Variants in VAMP7 observed in about 807,000 individuals in gnomAD.
VAMP7 encodes vesicle associated membrane protein 7, also known as vesicle-associated membrane protein 7.
A neutral mutation model predicts 29.6 loss-of-function variants in VAMP7; 14 were observed. The observed-to-expected ratio is 0.47, with a 90% CI of 0.31 to 0.74. The LOEUF is 0.74. Ranked by LOEUF, VAMP7 falls within the 30% of genes least tolerant of loss-of-function variation. The pLI is 0.05. For missense variants in VAMP7, 223 were observed against 262.4 expected (o/e 0.85, Z 1.04); for synonymous variants, 95 against 88.1 (o/e 1.08, Z -0.44).
At chrX:155,927,859 TCTTA>T (rs2066493698) in intron 6 of VAMP7, among the ~76,000 whole-genome samples, 1 of 151,934 alleles carries the variant, frequency 6.6e-6, no homozygotes, top group Non-Finnish European at 1.5e-5. Context: ...TTTCTCTTAG[TCTTA>T]CTTGAAAAAT....
At chrX:155,908,124 A>G (rs1243627814) in intron 5 of VAMP7, among the ~76,000 whole-genome samples, 3 of 149,956 alleles carry the variant, frequency 2.0e-5, no homozygotes, top group Non-Finnish European at 4.4e-5. Context: ...ATGGGTGCCC[A>G]GGCAGAGACG....
At chrX:155,905,510 TTTG>T (rs1328804846) in intron 5 of VAMP7, among the ~76,000 whole-genome samples, 2 of 152,202 alleles carry the variant, frequency 1.3e-5, no homozygotes, top group African/African-American at 2.4e-5. Flanking sequence ...GATTTACTAC[TTTG>T]TTTTCTTCTA....
At chrX:155,937,498 A>G (rs1047017465) in intron 6 of VAMP7, among the ~76,000 whole-genome samples, 1 of 152,234 alleles carries the variant, frequency 6.6e-6, no homozygotes, top group African/African-American at 2.4e-5. Context: ...CACAATGTGT[A>G]CATTTATCAG....
At chrX:155,902,067 C>T (rs1361012552) in intron 5 of VAMP7, among the ~76,000 whole-genome samples, 1 of 152,080 alleles carries the variant, frequency 6.6e-6, no homozygotes, top group Non-Finnish European at 1.5e-5. Flanking sequence ...GTTTGTAGTT[C>T]TCCTTGAAGT....
chrX:155,932,607 C>A (rs1052764465), intron 6 of VAMP7, among the ~76,000 whole-genome samples: 19 of 152,112 alleles, frequency 1.2e-4, no homozygotes, highest in African/African-American at 4.6e-4. Context: ...AGATTTTGGG[C>A]TGAGATAATG....
At chrX:155,934,100 G>C (rs2066609348) in intron 6 of VAMP7, among the ~76,000 whole-genome samples, 1 of 152,170 alleles carries the variant, frequency 6.6e-6, no homozygotes, top group Admixed American at 6.6e-5. Flanking sequence ...TACATTTGCT[G>C]AGGAGTGCTT....
chrX:155,882,225 A>T (rs988078756), intron 1 of VAMP7, among the ~76,000 whole-genome samples: 5 of 152,176 alleles, frequency 3.3e-5, no homozygotes, highest in Non-Finnish European at 2.9e-5. Flanking sequence ...TATTTATTGA[A>T]CGGCTGGTAT....
intron 3 of VAMP7, among the ~76,000 whole-genome samples, chrX:155,896,634 C>T (rs2065991554): frequency 6.6e-6 from 1 of 152,128 alleles, no homozygotes; most frequent in Non-Finnish European, 1.5e-5. Flanking sequence ...AGTAGAGGGA[C>T]TGTGTCTTCT....
Position 155,943,046 on chromosome X carries a change from T to C in VAMP7, c.*1095T>C, listed in dbSNP as rs1265745052. On this transcript the variant is annotated 3_prime_UTR_variant, in exon 8 of 8. Coordinates refer to ENST00000286448, the MANE Select transcript of VAMP7 (RefSeq NM_005638.6). ...GAAAGAGAATAGACAGTATGACATA[T>C]AGAATTAATACAAAACAGTTTAACA... is the stretch of plus-strand genomic sequence containing the variant. 6.6e-6 allele frequency: 1 copy of C among 151,126 alleles called. No homozygotes were observed. Among genetic ancestry groups the C allele is most frequent in the South Asian group, 2.1e-4 (1 of 4,712 alleles). 9.4% of individuals were successfully genotyped at this position (151,126 alleles called of 1,614,324 possible).
intron 6 of VAMP7, among the ~76,000 whole-genome samples, chrX:155,923,994 C>T (rs1384087008): frequency 6.6e-6 from 1 of 152,088 alleles, no homozygotes; most frequent in African/African-American, 2.4e-5. Flanking sequence ...CTTTCCTCTA[C>T]CTTGAGTATA....
intron 6 of VAMP7, among the ~76,000 whole-genome samples, chrX:155,930,718 T>TA (rs1270275061): frequency 6.6e-6 from 1 of 150,986 alleles, no homozygotes; most frequent in African/African-American, 2.4e-5. Flanking sequence ...AATATATATA[T>TA]TTTTTATTAT....
At chrX:155,927,036 A>G (rs1048971840) in intron 6 of VAMP7, among the ~76,000 whole-genome samples, 3 of 152,200 alleles carry the variant, frequency 2.0e-5, no homozygotes, top group Non-Finnish European at 4.4e-5. Context: ...ACAGATCGTC[A>G]TAACAGATAG....
chrX:155,891,206 C>T (rs1314994265), intron 2 of VAMP7, among the ~76,000 whole-genome samples: 3 of 152,204 alleles, frequency 2.0e-5, no homozygotes, highest in Non-Finnish European at 2.9e-5. Flanking sequence ...GCTATGTAGT[C>T]GTAGGCTCAA....
rs1165568724 is a variant in VAMP7, at chrX:155,942,918, A to C, written c.*967A>C. On this transcript the variant is annotated 3_prime_UTR_variant, in exon 8 of 8. Transcript: ENST00000286448. ...CCGAATACGGTCAGCAGTCAACTCC[A>C]GGGTTTGGGCTTGATTCCTGTTGAA... 6.6e-6 allele frequency: 1 copy of C among 151,906 alleles called. No individual in the cohort carries two copies. Among genetic ancestry groups the C allele is most frequent in the Non-Finnish European group, 1.5e-5 (1 of 67,986 alleles). The allele number at this position is 151,906 out of a possible 1,614,324, so 9.4% of individuals were successfully genotyped here. A position where few individuals can be genotyped will look rare whatever the true frequency, so the allele number is the denominator to read the frequency against.
rs1195337745 is a variant in VAMP7 at position 155,942,030 on chromosome X, A to G, written c.*79A>G. On this transcript the variant is annotated 3_prime_UTR_variant, in exon 8 of 8. Coordinates refer to ENST00000286448, the MANE Select transcript of VAMP7 (RefSeq NM_005638.6). Reference sequence around the variant, plus strand: ...AATCCATGTGACTCAAGCCTTTCACATACTGACAGATGGTATCTGCCAGTC... The same window carrying G: ...AATCCATGTGACTCAAGCCTTTCACGTACTGACAGATGGTATCTGCCAGTC... The G allele has an allele frequency of 6.2e-7, 1 of 1,611,716 alleles. No individual in the cohort carries two copies. Among genetic ancestry groups the G allele is most frequent in the Non-Finnish European group, 8.5e-7 (1 of 1,178,756 alleles).
intron 5 of VAMP7, among the ~76,000 whole-genome samples, chrX:155,905,631 G>C (rs2066136692): frequency 6.6e-6 from 1 of 152,090 alleles, no homozygotes; most frequent in Admixed American, 6.6e-5. Context: ...TGTATATACA[G>C]TTGTTCCAGA....
chrX:155,881,822 C>T (rs1474245237), intron 1 of VAMP7, among the ~76,000 whole-genome samples: 1 of 152,110 alleles, frequency 6.6e-6, no homozygotes, highest in Admixed American at 6.5e-5. Flanking sequence ...TCTGCTTCAC[C>T]TTCTACTTCT....
chrX:155,917,272 G>C (rs76373099), intron 5 of VAMP7, among the ~76,000 whole-genome samples: 1 of 151,932 alleles, frequency 6.6e-6, no homozygotes, highest in Admixed American at 6.6e-5. Context: ...CTTTTTTCAA[G>C]GTCCTTAGTT....
intron 2 of VAMP7, among the ~76,000 whole-genome samples, chrX:155,894,867 C>T (rs2124254100): frequency 6.6e-6 from 1 of 152,196 alleles, no homozygotes; most frequent in South Asian, 2.1e-4. Context: ...CTGCCCGCCT[C>T]AGCCTCCCAA....
Sources: allele counts gnomAD v4.1 joint callset (sites outside exome capture counted in the v4.1 genomes callset), GRCh38; gene constraint gnomAD v4.1.1; transcripts MANE v1.5; gene names NCBI Gene and HGNC (gene_info 2026-07-23, HGNC 2026-07-21).